IPO5: variants seen among roughly 807,000 people sequenced by gnomAD.
The protein encoded by IPO5 is importin-5.
In IPO5, 18 loss-of-function variants were observed where a neutral mutation model predicts 143.3. That is an observed-to-expected ratio of 0.13 (90% CI 0.09 to 0.19). The LOEUF (loss-of-function observed/expected upper bound fraction) is 0.19. IPO5 is among the 10% of genes least tolerant of loss of function. IPO5 has a pLI of 1.00. For synonymous variants in IPO5, 477 were observed against 465.7 expected, an observed-to-expected ratio of 1.02 and a Z score of -0.31; for missense variants, 1,013 against 1,336.9, an observed-to-expected ratio of 0.76 and a Z score of 3.78.
intron 2 of IPO5, among the ~76,000 whole-genome samples, chr13:97,965,273 G>T (rs982543737): frequency 1.3e-5 from 2 of 152,066 alleles, no homozygotes; most frequent in Non-Finnish European, 2.9e-5. Flanking sequence ...TGGGTTGGTA[G>T]GTGCAGCAAA....
intron 2 of IPO5, among the ~76,000 whole-genome samples, chr13:97,969,258 C>T (rs776852527): frequency 3.3e-4 from 47 of 144,578 alleles, no homozygotes; most frequent in Non-Finnish European, 3.8e-4. Flanking sequence ...CTCAGCTCAC[C>T]GCAAGCTCTG....
At chr13:97,999,058 T>A (rs1267196410) in intron 12 of IPO5, among the ~76,000 whole-genome samples, 1 of 151,986 alleles carries the variant, frequency 6.6e-6, no homozygotes, top group Non-Finnish European at 1.5e-5. Context: ...GAGGAGAATC[T>A]CTTGAACCTG....
intron 17 of IPO5, among the ~76,000 whole-genome samples, chr13:98,006,636 A>G (rs1780716065): frequency 6.6e-6 from 1 of 151,738 alleles, no homozygotes; most frequent in Non-Finnish European, 1.5e-5. Context: ...GGCCTCCCAG[A>G]GTGCTGGGAT....
Position 97,990,453 on chromosome 13 carries a change from A to G in IPO5, c.585A>G (p.Arg195=). 1 of 1,602,668 alleles carries G rather than the reference A, an allele frequency of 6.2e-7. No homozygotes were observed. The change falls in exon 9 of 29, where the codon AGA becomes AGG. Residue 195 remains arginine (R), a synonymous_variant. Transcript: ENST00000651721. Reference sequence around the variant, plus strand: ...TTTAGATCAGGACGTTATCTGCTAGAGCTACAGCTGCATTTATACTTGCAA... The same window carrying G: ...TTTAGATCAGGACGTTATCTGCTAGGGCTACAGCTGCATTTATACTTGCAA... ...EHPSIRTLSA[R]ATAAFILANE...
chr13:98,005,985 A>G, intron 16 of IPO5, 145 bp from the exon 17 acceptor site: 1 of 625,734 alleles, frequency 1.6e-6, no homozygotes, highest in Non-Finnish European at 2.8e-6. Context: ...AATTTCCTCC[A>G]AAACCTACAG....
rs626716 is a variant in IPO5 at position 97,992,999 on chromosome 13, A to G, written c.777A>G (p.Leu259=). ...KYLRPHLEAT[L]QLSLKLCGDT... ...TGCGTCCTCACTTGGAAGCAACTCTACAGCTAAGTCTAAAGGTAAATTAAG... is the reference window on the plus strand; with the variant it reads ...TGCGTCCTCACTTGGAAGCAACTCTGCAGCTAAGTCTAAAGGTAAATTAAG... Residue 259 remains leucine (L), a synonymous_variant, in exon 10 of 29, where the codon CTA becomes CTG. Coordinates refer to ENST00000651721, the MANE Select transcript of IPO5 (RefSeq NM_002271.6). 92,681 of 1,613,432 alleles carry G rather than the reference A, an allele frequency of 0.057. 4,914 individuals carry two copies. The highest frequency in any genetic ancestry group is 0.29 in the East Asian group (13,096 of 44,846).
At chr13:97,960,851 AC>A (rs957433787) in intron 2 of IPO5, among the ~76,000 whole-genome samples, 1 of 152,038 alleles carries the variant, frequency 6.6e-6, no homozygotes, top group Admixed American at 6.6e-5. Flanking sequence ...GAGCCACCTC[AC>A]CCAGCCTAAA....
intron 4 of IPO5, 93 bp from the exon 5 acceptor site, chr13:97,982,410 C>A (rs1886926633): frequency 2.5e-6 from 2 of 786,648 alleles, no homozygotes; most frequent in Admixed American, 4.5e-5. Flanking sequence ...TAAATAATTT[C>A]TCATGCATCC....
intron 27 of IPO5, 133 bp from the exon 28 acceptor site, chr13:98,020,859 A>C (rs1173773924): frequency 9.2e-6 from 6 of 649,916 alleles, no homozygotes; most frequent in Non-Finnish European, 1.3e-5. Flanking sequence ...TGTAGAAAGA[A>C]ACTAAAGAGT....
At chr13:97,975,438 C>A (rs1288170069) in intron 3 of IPO5, among the ~76,000 whole-genome samples, 2 of 152,180 alleles carry the variant, frequency 1.3e-5, no homozygotes, top group Non-Finnish European at 2.9e-5. Context: ...TTGCACTAAA[C>A]CGAGATCGCG....
rs1402188959 is a variant in IPO5, at chr13:98,002,901, G to A, written c.1361G>A (p.Gly454Asp). The change falls in exon 16 of 29, where the codon GGC becomes GAC. Residue 454 changes from glycine to aspartate, a missense_variant. Gly to Asp is a moderately conservative substitution (Grantham distance 94). Transcript: ENST00000651721. ...AALLQTMEDQ[G>D]NQRVQAHAAA... Reference sequence around the variant, plus strand: ...CTGCTGCAGACCATGGAAGACCAAGGCAATCAACGTGTGCAGGCCCATGCA... The same window carrying A: ...CTGCTGCAGACCATGGAAGACCAAGACAATCAACGTGTGCAGGCCCATGCA... The A allele has an allele frequency of 6.2e-7, 1 of 1,613,748 alleles. No homozygotes were observed. Among genetic ancestry groups the A allele is most frequent in the Non-Finnish European group, 8.5e-7 (1 of 1,179,850 alleles).
At position 97,990,467 on chromosome 13, in the gene IPO5, T is replaced by G; in HGVS notation, c.599T>G (p.Phe200Cys). The change falls in exon 9 of 29, where the codon TTT becomes TGT. Residue 200 changes from phenylalanine (F) to cysteine (C), a missense_variant. Phe to Cys is a radical substitution (Grantham distance 205). Transcript: ENST00000651721. ...TTATCTGCTAGAGCTACAGCTGCATTTATACTTGCAAATGAGCATAATGTT... is the reference window on the plus strand; with the variant it reads ...TTATCTGCTAGAGCTACAGCTGCATGTATACTTGCAAATGAGCATAATGTT... ...RTLSARATAAFILANEHNVAL... is the reference protein window; with the variant it reads ...RTLSARATAACILANEHNVAL... 6.2e-7 allele frequency: 1 copy of G among 1,605,870 alleles called. No individual in the cohort carries two copies.
At chr13:97,997,822 TTA>T (rs1467753570) in intron 12 of IPO5, among the ~76,000 whole-genome samples, 1 of 152,218 alleles carries the variant, frequency 6.6e-6, no homozygotes, top group African/African-American at 2.4e-5. Flanking sequence ...TTAATAAAAT[TTA>T]TGTTTCTTGG....
chr13:97,981,738 C>T (rs1024142524), intron 4 of IPO5, among the ~76,000 whole-genome samples: 4 of 152,204 alleles, frequency 2.6e-5, no homozygotes, highest in African/African-American at 4.8e-5. Flanking sequence ...AGAATTCTTG[C>T]ATATGAATCT....
chr13:97,976,746 A>G lies in IPO5; in HGVS notation c.50A>G (p.Asn17Ser). 7.1e-7 allele frequency: 1 copy of G among 1,415,668 alleles called. No individual in the cohort carries two copies. The highest frequency in any genetic ancestry group is 1.2e-5 in the South Asian group (1 of 83,832). The allele number at this position is 1,415,668 out of a possible 1,614,324, so 87.7% of individuals were successfully genotyped here. A position where few individuals can be genotyped will look rare whatever the true frequency, so the allele number is the denominator to read the frequency against. ...EQQQFYLLLG[N>S]LLSPDNVVRK... ...CAACAGTTCTACCTGCTCCTGGGAA[A>G]CCTGCTCAGCCCCGACAATGTGGTC... is the stretch of plus-strand genomic sequence containing the variant. Residue 17 changes from asparagine to serine, a missense_variant, in exon 4 of 29, where the codon AAC becomes AGC. Coordinates refer to ENST00000651721, the MANE Select transcript of IPO5 (RefSeq NM_002271.6).
intron 11 of IPO5, among the ~76,000 whole-genome samples, chr13:97,997,044 A>G (rs980816452): frequency 6.6e-6 from 1 of 152,242 alleles, no homozygotes; most frequent in Non-Finnish European, 1.5e-5. Context: ...TCAGCTAGAC[A>G]GTGGGTAGTA....
In IPO5 at chr13:98,015,888, A is replaced by C. The variant is rs556859678; in HGVS notation, c.2493+107A>C. 723 of 692,826 alleles carry C rather than the reference A, an allele frequency of 1.0e-3. 1 individual carries two copies. The highest frequency in any genetic ancestry group is 1.6e-3 in the Non-Finnish European group (643 of 400,348). 42.9% of individuals were successfully genotyped at this position (692,826 alleles called of 1,614,324 possible). On this transcript the variant is annotated intron_variant, in intron 24 of 28. Transcript: ENST00000651721. The stretch of plus-strand genomic sequence containing the variant: ...GACTTGTCATTCTGATGTAATTATC[A>C]GTCTTTAGCAGAGGAGTCAGATATA...
chr13:97,973,549 A>T (rs1377996220), intron 3 of IPO5, among the ~76,000 whole-genome samples: 1 of 152,174 alleles, frequency 6.6e-6, no homozygotes, highest in Non-Finnish European at 1.5e-5. Flanking sequence ...GACATCTGCT[A>T]TCTACCCCAA....
chr13:97,975,806 C>A, intron 3 of IPO5: 1 of 357,832 alleles, frequency 2.8e-6, no homozygotes, highest in Non-Finnish European at 3.9e-6. Context: ...ATGTTTGCTA[C>A]GTGTACATCC....
Sources: allele counts gnomAD v4.1 joint callset (sites outside exome capture counted in the v4.1 genomes callset), GRCh38; gene constraint gnomAD v4.1.1; transcripts MANE v1.5; gene names NCBI Gene and HGNC (gene_info 2026-07-23, HGNC 2026-07-21).